FHIT: variants seen among roughly 807,000 people sequenced by gnomAD.
FHIT encodes the protein fragile histidine triad diadenosine triphosphatase, also known as bis(5'-adenosyl)-triphosphatase.
In FHIT, 19 loss-of-function variants were observed where a neutral mutation model predicts 17.9. The observed-to-expected ratio is 1.06, with a 90% CI of 0.74 to 1.56. The LOEUF is 1.56. Among genes scored for constraint, FHIT ranks in the 40% most tolerant of loss-of-function variants. The pLI is 0.00. For missense variants in FHIT, 248 were observed against 189.2 expected (o/e 1.31, Z -1.82); for synonymous variants, 81 against 69.7 (o/e 1.16, Z -0.81).
At chr3:59,921,476 C>G (rs191052192) in intron 8 of FHIT, among the ~76,000 whole-genome samples, 1 of 152,332 alleles carries the variant, frequency 6.6e-6, no homozygotes, top group Admixed American at 6.5e-5. Context: ...TGATACCTAC[C>G]TCCTATCCAA....
rs147326455 is a variant in FHIT at position 60,637,647 on chromosome 3, C to G, written c.-17-100668G>C. Among the ~76,000 whole-genome samples, 799 of 152,270 alleles carry G rather than the reference C, an allele frequency of 5.2e-3. 13 individuals are homozygous for G. The highest frequency in any genetic ancestry group is 4.6e-3 in the Non-Finnish European group (313 of 68,022). On this transcript the variant is annotated intron_variant, in intron 4 of 9. Transcript: ENST00000492590. Reference sequence around the variant, plus strand: ...ATTATGCTTAGATTATTTCAATTATCATTCCCATTTCATAGATGTGAACAC... The same window carrying G: ...ATTATGCTTAGATTATTTCAATTATGATTCCCATTTCATAGATGTGAACAC...
intron 5 of FHIT, among the ~76,000 whole-genome samples, chr3:60,172,895 T>C (rs1266178326): frequency 6.6e-6 from 1 of 152,182 alleles, no homozygotes; most frequent in Non-Finnish European, 1.5e-5. Context: ...TATCTAACAT[T>C]TCAGTAGAAG....
At chr3:60,468,842 T>C (rs2032935061) in intron 5 of FHIT, among the ~76,000 whole-genome samples, 1 of 152,192 alleles carries the variant, frequency 6.6e-6, no homozygotes, top group South Asian at 2.1e-4. Flanking sequence ...AAAGAATCCT[T>C]TAGCATTTCT....
At chr3:59,767,768 AT>A (rs2106816171) in intron 8 of FHIT, among the ~76,000 whole-genome samples, 1 of 152,222 alleles carries the variant, frequency 6.6e-6, no homozygotes, top group Admixed American at 6.5e-5. Flanking sequence ...TGTCATTTCC[AT>A]TTTTAGATGA....
chr3:59,892,306 G>A (rs1156677210), intron 8 of FHIT, among the ~76,000 whole-genome samples: 2 of 152,188 alleles, frequency 1.3e-5, no homozygotes, highest in South Asian at 2.1e-4. Flanking sequence ...GCACCACTTT[G>A]CCACAATGGC....
intron 5 of FHIT, among the ~76,000 whole-genome samples, chr3:60,324,747 T>A (rs1162391692): frequency 6.6e-6 from 1 of 152,158 alleles, no homozygotes; most frequent in Non-Finnish European, 1.5e-5. Context: ...TCATTTGTTT[T>A]ACTCTTTAGC....
rs1432737512 is a variant in FHIT at position 59,971,777 on chromosome 3, G to A, written c.279+39594C>T. Among the ~76,000 whole-genome samples the A allele has an allele frequency of 3.9e-5, 6 of 152,092 alleles. No individual in the cohort carries two copies. The East Asian group carries it at 1.2e-3, about 29-fold the overall frequency. On this transcript the variant is annotated intron_variant, in intron 7 of 9. Coordinates refer to ENST00000492590, the MANE Select transcript of FHIT (RefSeq NM_002012.4). ...CTTGGGCAAGATACGTCAATTCTAA[G>A]GAGTTCAGTTTTCTCGTCTATACTG...
chr3:60,872,766 T>A (rs563620266), intron 3 of FHIT, among the ~76,000 whole-genome samples: 1 of 152,136 alleles, frequency 6.6e-6, no homozygotes, highest in Admixed American at 6.6e-5. Flanking sequence ...AAGTAATACA[T>A]CTCAGGAAAT....
chr3:60,252,338 G>A (rs964337512), intron 5 of FHIT, among the ~76,000 whole-genome samples: 4 of 152,040 alleles, frequency 2.6e-5, no homozygotes, highest in African/African-American at 7.2e-5. Context: ...GAGCCCAGGA[G>A]TTTAAGACCA....
chr3:59,918,315 G>A (rs573133423), intron 8 of FHIT, among the ~76,000 whole-genome samples: 55 of 152,266 alleles, frequency 3.6e-4, no homozygotes, highest in Non-Finnish European at 6.3e-4. Context: ...CACATAATTG[G>A]GGGATGCAGG....
At chr3:60,111,061 C>T (rs1704646562) in intron 5 of FHIT, among the ~76,000 whole-genome samples, 2 of 151,712 alleles carry the variant, frequency 1.3e-5, no homozygotes, top group South Asian at 4.2e-4. Context: ...ATACAAAATA[C>T]TGAGTACACT....
chr3:60,862,778 G>T (rs940861150), intron 3 of FHIT, among the ~76,000 whole-genome samples: 6 of 151,744 alleles, frequency 4.0e-5, no homozygotes, highest in South Asian at 2.1e-4. Context: ...CTTGAACCCG[G>T]GAGGCAGAGG....
chr3:59,789,177 G>A (rs912663174), intron 8 of FHIT, among the ~76,000 whole-genome samples: 4 of 152,098 alleles, frequency 2.6e-5, no homozygotes, highest in Non-Finnish European at 4.4e-5. Context: ...TGCACTGGAT[G>A]CCAACTTTTT....
chr3:60,787,631 C>A (rs540652085), intron 4 of FHIT, among the ~76,000 whole-genome samples: 3 of 152,192 alleles, frequency 2.0e-5, no homozygotes. Context: ...GGTTGGCATC[C>A]ATTCTTTGTG....
intron 5 of FHIT, among the ~76,000 whole-genome samples, chr3:60,373,543 A>T (rs983947): frequency 0.66 from 100,876 of 151,874 alleles, 33,830 homozygotes; most frequent in African/African-American, 0.76. Context: ...TGGGAAGCCA[A>T]GAAAGGTTTT....
chr3:60,177,022 A>G (rs1342416952), intron 5 of FHIT, among the ~76,000 whole-genome samples: 1 of 149,208 alleles, frequency 6.7e-6, no homozygotes, highest in Non-Finnish European at 1.5e-5. Context: ...ATTGTGGGAG[A>G]AAAAAAAATG....
chr3:60,120,045 G>C (rs944475379), intron 5 of FHIT, among the ~76,000 whole-genome samples: 1 of 152,132 alleles, frequency 6.6e-6, no homozygotes, highest in Non-Finnish European at 1.5e-5. Context: ...TTACGGCACT[G>C]TTACCACATT....
intron 5 of FHIT, among the ~76,000 whole-genome samples, chr3:60,373,418 T>C (rs1354745271): frequency 2.0e-5 from 3 of 152,268 alleles, no homozygotes; most frequent in East Asian, 1.9e-4. Context: ...GTCAGTGTGG[T>C]TGCAGTACAG....
intron 5 of FHIT, among the ~76,000 whole-genome samples, chr3:60,356,209 TAAC>T (rs1188751899): frequency 6.6e-6 from 1 of 152,210 alleles, no homozygotes; most frequent in Non-Finnish European, 1.5e-5. Context: ...TATCAGCCTA[TAAC>T]AACGCTGCAA....
Sources: gnomAD v4.1 joint callset for allele counts (sites outside exome capture counted in the v4.1 genomes callset) on GRCh38, gnomAD v4.1.1 for gene constraint, MANE v1.5 for transcripts, NCBI Gene and HGNC (gene_info 2026-07-23, HGNC 2026-07-21) for gene names.